Variants in GNAI1 observed in about 807,000 individuals in gnomAD.
GNAI1 encodes the protein G protein subunit alpha i1, also known as guanine nucleotide-binding protein G(i) subunit alpha-1.
GNAI1 carries 11 observed loss-of-function variants against 38.9 expected under a neutral mutation model. The observed-to-expected ratio is 0.28, with a 90% CI of 0.18 to 0.47. The LOEUF is 0.47. Ranked by LOEUF, GNAI1 falls within the 20% of genes least tolerant of loss-of-function variation. GNAI1 has a pLI of 0.99. For synonymous variants in GNAI1, 166 were observed against 145.1 expected (o/e 1.14, Z -1.04); for missense variants, 317 against 436.9 (o/e 0.73, Z 2.45).
intron 5 of GNAI1, among the ~76,000 whole-genome samples, chr7:80,210,136 G>C (rs1938809115): frequency 6.6e-6 from 1 of 152,160 alleles, no homozygotes; most frequent in Non-Finnish European, 1.5e-5. Context: ...CATTATATAA[G>C]TGGTTATTTC....
At chr7:80,141,233 A>G (rs1380940768) in intron 1 of GNAI1, among the ~76,000 whole-genome samples, 2 of 152,178 alleles carry the variant, frequency 1.3e-5, no homozygotes, top group Non-Finnish European at 2.9e-5. Flanking sequence ...TGCATCCTGC[A>G]TGCAAAATGC....
In GNAI1 at chr7:80,155,811, C is replaced by T. The variant is rs753782369; in HGVS notation, c.118+20533C>T. On this transcript the variant is annotated intron_variant, in intron 1 of 7. Transcript: ENST00000649796. The stretch of plus-strand genomic sequence containing the variant: ...GTGGCTCACACCTGTAATCCCAGCA[C>T]TTTGGGAGGCTGAGGCGGGTGGATC... Among the ~76,000 whole-genome samples the T allele has an allele frequency of 4.4e-4, 67 of 151,934 alleles. 1 individual carries two copies. The highest frequency in any genetic ancestry group is 1.5e-5 in the Non-Finnish European group (1 of 67,970).
intron 3 of GNAI1, among the ~76,000 whole-genome samples, chr7:80,198,490 C>G (rs1425401095): frequency 6.6e-6 from 1 of 152,070 alleles, no homozygotes; most frequent in African/African-American, 2.4e-5. Context: ...AAATTTTAAG[C>G]TAAGTTTAAT....
At chr7:80,145,981 G>A (rs916317852) in intron 1 of GNAI1, among the ~76,000 whole-genome samples, 2 of 152,072 alleles carry the variant, frequency 1.3e-5, no homozygotes, top group African/African-American at 4.8e-5. Context: ...TCAAGCATCA[G>A]GAAAATTATA....
chr7:80,194,389 T>C (rs1788532979), intron 3 of GNAI1, among the ~76,000 whole-genome samples: 1 of 152,196 alleles, frequency 6.6e-6, no homozygotes, highest in African/African-American at 2.4e-5. Flanking sequence ...TGTCCATTAA[T>C]ACAAATGTTT....
rs1332697867 is a variant in GNAI1, at chr7:80,222,380, T to TA, written c.*4889dup. ...ATTGAAGGAGCTAGTTCTTCAAATT[T>TA]AATTTTTTTTTTTTTTTTTTTCCTG... On this transcript the variant is annotated 3_prime_UTR_variant, in exon 8 of 8. Coordinates refer to ENST00000649796, the MANE Select transcript of GNAI1 (RefSeq NM_002069.6). Among the ~76,000 whole-genome samples, 1 of 106,264 alleles carries TA rather than the reference T, an allele frequency of 9.4e-6. No homozygotes were observed. The highest frequency in any genetic ancestry group is 3.3e-5 in the African/African-American group (1 of 30,006). 69.7% of individuals were successfully genotyped at this position (106,264 alleles called of 152,430 possible). A position where few individuals can be genotyped will look rare whatever the true frequency, so the allele number is the denominator to read the frequency against.
chr7:80,205,484 G>A lies in GNAI1; in HGVS notation c.590+1652G>A, dbSNP rs1176381588. Among the ~76,000 whole-genome samples the A allele has an allele frequency of 2.0e-5, 3 of 151,926 alleles. No individual in the cohort carries two copies. The East Asian group carries it at 5.8e-4, about 29-fold the overall frequency. On this transcript the variant is annotated intron_variant, in intron 5 of 7. Transcript: ENST00000649796. Reference sequence around the variant, plus strand: ...TGCAGGAAATTGGATTAGAAAAGGTGTTTATGATCTGTTTTTTAAGGAAAA... The same window carrying A: ...TGCAGGAAATTGGATTAGAAAAGGTATTTATGATCTGTTTTTTAAGGAAAA...
At chr7:80,157,406 A>G (rs1198387485) in intron 1 of GNAI1, among the ~76,000 whole-genome samples, 1 of 152,228 alleles carries the variant, frequency 6.6e-6, no homozygotes, top group Non-Finnish European at 1.5e-5. Context: ...TATTGTAAGC[A>G]TCCATGTGTA....
At chr7:80,204,943 T>G (rs551277538) in intron 5 of GNAI1, among the ~76,000 whole-genome samples, 1 of 152,292 alleles carries the variant, frequency 6.6e-6, no homozygotes, top group Non-Finnish European at 1.5e-5. Context: ...AGATGTTCCT[T>G]TTTTGCTTCT....
chr7:80,182,967 A>G (rs554014571), intron 1 of GNAI1, among the ~76,000 whole-genome samples: 14 of 152,298 alleles, frequency 9.2e-5, no homozygotes, highest in South Asian at 8.3e-4. Context: ...TTAGTTTTAC[A>G]TCTTGGAGCA....
chr7:80,186,256 C>T (rs1356081187), intron 1 of GNAI1, among the ~76,000 whole-genome samples: 1 of 152,054 alleles, frequency 6.6e-6, no homozygotes, highest in Non-Finnish European at 1.5e-5. Flanking sequence ...TGGTCTAGAA[C>T]TCTTGTCCTC....
At chr7:80,156,060 A>AAAAG (rs1365076094) in intron 1 of GNAI1, among the ~76,000 whole-genome samples, 21 of 150,896 alleles carry the variant, frequency 1.4e-4, no homozygotes, top group South Asian at 4.2e-4. Context: ...AAAAAAAAAA[A>AAAAG]AAAGAAAGAA....
chr7:80,207,246 G>C (rs1369790657), intron 5 of GNAI1, among the ~76,000 whole-genome samples: 2 of 152,020 alleles, frequency 1.3e-5, no homozygotes, highest in African/African-American at 4.8e-5. Flanking sequence ...TCGATTATTT[G>C]GTACTTAAGG....
At chr7:80,189,650 C>T (rs960511231) in intron 3 of GNAI1, among the ~76,000 whole-genome samples, 1 of 152,002 alleles carries the variant, frequency 6.6e-6, no homozygotes, top group Non-Finnish European at 1.5e-5. Flanking sequence ...AATCTAATCT[C>T]GAATAATGAA....
At chr7:80,215,358 A>G (rs1017227492) in intron 7 of GNAI1, among the ~76,000 whole-genome samples, 1 of 152,240 alleles carries the variant, frequency 6.6e-6, no homozygotes, top group East Asian at 1.9e-4. Context: ...TAGCAGTTGC[A>G]TTAGCTTCTG....
chr7:80,188,097 C>G (rs1463161624), intron 1 of GNAI1, among the ~76,000 whole-genome samples: 2 of 152,104 alleles, frequency 1.3e-5, no homozygotes, highest in East Asian at 1.9e-4. Context: ...TTATTTTTGT[C>G]CAGCACAACA....
At chr7:80,180,496 C>G (rs539526005) in intron 1 of GNAI1, among the ~76,000 whole-genome samples, 1 of 152,218 alleles carries the variant, frequency 6.6e-6, no homozygotes, top group East Asian at 1.9e-4. Flanking sequence ...CTTTTTCTAC[C>G]TAAAATTCTG....
chr7:80,137,293 C>CTTTTTTT (rs377362596), intron 1 of GNAI1, among the ~76,000 whole-genome samples: 4 of 95,268 alleles, frequency 4.2e-5, no homozygotes, highest in African/African-American at 1.2e-4. Context: ...TTTCTTTTTT[C>CTTTTTTT]TTTTTTTTTT....
At chr7:80,141,953 C>A (rs886648286) in intron 1 of GNAI1, among the ~76,000 whole-genome samples, 1 of 152,156 alleles carries the variant, frequency 6.6e-6, no homozygotes, top group East Asian at 1.9e-4. Context: ...CCATCCAAGT[C>A]CTCATCAGCA....
Sources: gnomAD v4.1 joint callset for allele counts (sites outside exome capture counted in the v4.1 genomes callset) on GRCh38, gnomAD v4.1.1 for gene constraint, MANE v1.5 for transcripts, NCBI Gene and HGNC (gene_info 2026-07-23, HGNC 2026-07-21) for gene names.